FAM184A: variants seen among roughly 807,000 people sequenced by gnomAD.
The protein encoded by FAM184A is family with sequence similarity 184 member A.
In FAM184A, 99 loss-of-function variants were observed where a neutral mutation model predicts 143.8. The ratio of observed to expected loss-of-function variants is 0.69; its 90% CI spans 0.58 to 0.81. FAM184A has a LOEUF of 0.81. Among genes scored for constraint, FAM184A ranks in the 40% least tolerant of loss-of-function variants. The pLI, the probability that FAM184A is intolerant of heterozygous loss-of-function variation, is 0.00. For missense variants in FAM184A, 1,217 were observed against 1,310.5 expected (o/e 0.93, Z 1.10); for synonymous variants, 427 against 446.4 (o/e 0.96, Z 0.55).
intron 1 of FAM184A, among the ~76,000 whole-genome samples, chr6:119,125,934 A>G (rs949062092): frequency 1.2e-4 from 18 of 152,220 alleles, no homozygotes; most frequent in Admixed American, 1.1e-3. Flanking sequence ...CTATTACTGC[A>G]TAACTAATTA....
chr6:119,055,900 T>C (rs981137877), intron 1 of FAM184A, among the ~76,000 whole-genome samples: 1 of 151,974 alleles, frequency 6.6e-6, no homozygotes, highest in South Asian at 2.1e-4. Flanking sequence ...ATCTCCACTT[T>C]TCTGGGGCCT....
intron 1 of FAM184A, among the ~76,000 whole-genome samples, chr6:119,138,768 C>A (rs1287963833): frequency 1.3e-5 from 2 of 152,062 alleles, no homozygotes; most frequent in Non-Finnish European, 2.9e-5. Flanking sequence ...CTGGGATTTA[C>A]AGGCATGTGC....
At chr6:118,985,159 T>A (rs2114595177) in intron 9 of FAM184A, among the ~76,000 whole-genome samples, 1 of 152,354 alleles carries the variant, frequency 6.6e-6, no homozygotes, top group Non-Finnish European at 1.5e-5. Flanking sequence ...TTACCAAATG[T>A]AGAGATATAT....
At chr6:119,052,282 A>G (rs1786797201) in intron 1 of FAM184A, among the ~76,000 whole-genome samples, 1 of 152,172 alleles carries the variant, frequency 6.6e-6, no homozygotes, top group Non-Finnish European at 1.5e-5. Context: ...AAAGATACAA[A>G]TATGTTACCT....
At chr6:119,035,287 GA>G (rs1215470510) in intron 1 of FAM184A, among the ~76,000 whole-genome samples, 4 of 152,118 alleles carry the variant, frequency 2.6e-5, no homozygotes, top group African/African-American at 9.7e-5. Context: ...ATGATAGGAA[GA>G]GGGGGTCACA....
chr6:119,089,481 C>A (rs1488729538), intron 1 of FAM184A, among the ~76,000 whole-genome samples: 1 of 151,980 alleles, frequency 6.6e-6, no homozygotes, highest in Non-Finnish European at 1.5e-5. Flanking sequence ...CTTTTTAATT[C>A]TTGTAGAGAT....
rs1292074595 is a variant in FAM184A at position 119,024,021 on chromosome 6, T to C, written c.952A>G (p.Ser318Gly). 1 of 1,611,694 alleles carries C rather than the reference T, an allele frequency of 6.2e-7. No individual in the cohort carries two copies. Among genetic ancestry groups the C allele is most frequent in the Admixed American group, 1.7e-5 (1 of 59,308 alleles). Reference protein sequence around the residue: ...ELQMVQDEAGSLLDKCQKLQT... With the variant: ...ELQMVQDEAGGLLDKCQKLQT... ...AGCTTTTGGCATTTGTCAAGAAGAC[T>C]TCCAGCTTCATCCTGTACCATCTGT... is the stretch of plus-strand genomic sequence containing the variant. Residue 318 changes from serine (S) to glycine (G), a missense_variant, in exon 2 of 18, where the codon AGT (serine) becomes GGT (glycine). By Grantham distance (56) the Ser-to-Gly change is moderately conservative (BLOSUM62 0). Coordinates refer to ENST00000338891, the MANE Select transcript of FAM184A (RefSeq NM_024581.6).
At position 119,088,413 on chromosome 6, in the gene FAM184A, C is replaced by T. The variant is rs146804803; in HGVS notation, c.-202+60665G>A. Among the ~76,000 whole-genome samples the T allele has an allele frequency of 4.4e-3, 673 of 152,186 alleles. 6 individuals are homozygous for T. Among genetic ancestry groups the T allele is most frequent in the African/African-American group, 0.015 (643 of 41,518 alleles). On this transcript the variant is annotated intron_variant, in intron 1 of 16. Coordinates refer to the FAM184A transcript ENST00000352896. ...GGAGATGAAATAGACATTTCCTATC[C>T]AAGGTCATGGTTAGCTAAAGAGGAC...
chr6:119,040,123 G>C (rs559803232), intron 1 of FAM184A, among the ~76,000 whole-genome samples: 34 of 152,214 alleles, frequency 2.2e-4, no homozygotes, highest in African/African-American at 7.9e-4. Context: ...CTTGTTCTAA[G>C]GCCTTTTAAA....
chr6:119,023,946 A>G lies in FAM184A; in HGVS notation c.1014+13T>C, dbSNP rs1785541583. On this transcript the variant is annotated intron_variant, in intron 2 of 17. Coordinates refer to ENST00000338891, the MANE Select transcript of FAM184A (RefSeq NM_024581.6). ...AAAAAATCCATGTGTTGAATATAAT[A>G]TTCTTTACTTACCTGAACATTGTTC... The G allele has an allele frequency of 6.5e-7, 1 of 1,545,928 alleles. No homozygotes were observed. The highest frequency in any genetic ancestry group is 1.3e-5 in the South Asian group (1 of 77,500).
At chr6:119,126,955 A>T (rs1486219060) in intron 1 of FAM184A, among the ~76,000 whole-genome samples, 1 of 152,190 alleles carries the variant, frequency 6.6e-6, no homozygotes, top group African/African-American at 2.4e-5. Flanking sequence ...TCTGAAGTCA[A>T]GCTGCTTCTC....
chr6:119,133,867 G>T (rs1327034405), intron 1 of FAM184A, among the ~76,000 whole-genome samples: 1 of 151,492 alleles, frequency 6.6e-6, no homozygotes, highest in Non-Finnish European at 1.5e-5. Context: ...ATGTTGTCCA[G>T]GCTTGTCTCA....
At chr6:118,975,789 C>T (rs1001847961) in intron 12 of FAM184A, 128 bp downstream of exon 12, 1 of 900,128 alleles carries the variant, frequency 1.1e-6, no homozygotes, top group Non-Finnish European at 1.6e-6. Flanking sequence ...TCAAATAAAG[C>T]TCTTCAATAT....
rs144111135 is a variant in FAM184A at position 119,056,079 on chromosome 6, T to C, written c.159+22062A>G. Among the ~76,000 whole-genome samples, 6 of 152,274 alleles carry C rather than the reference T, an allele frequency of 3.9e-5. No homozygotes were observed. The East Asian group carries it at 1.2e-3, about 29-fold the overall frequency. On this transcript the variant is annotated intron_variant, in intron 1 of 17. Coordinates refer to ENST00000338891, the MANE Select transcript of FAM184A (RefSeq NM_024581.6). ...CAGGATAAACTGAAATAGAAGAGCCTGAAAGGAAACTTTGCAAAAATAAGG... is the reference window on the plus strand; with the variant it reads ...CAGGATAAACTGAAATAGAAGAGCCCGAAAGGAAACTTTGCAAAAATAAGG...
Position 119,024,378 on chromosome 6 carries a change from G to A in FAM184A, c.595C>T (p.Gln199Ter), listed in dbSNP as rs908032334. Residue 199 changes from glutamine to a stop codon, truncating the protein, a stop_gained, in exon 2 of 18, where the codon CAA (glutamine) becomes TAA (stop). Coordinates refer to ENST00000338891, the MANE Select transcript of FAM184A (RefSeq NM_024581.6). LOFTEE classifies it high-confidence loss of function. ...DLQAAHRREI[Q>*]ELLKSQQDHS... Reference sequence around the variant, plus strand: ...TCCTGCTGTGACTTCAATAGCTCTTGTATCTCCCGTCTGTGAGCAGCTTGC... The same window carrying A: ...TCCTGCTGTGACTTCAATAGCTCTTATATCTCCCGTCTGTGAGCAGCTTGC... 3 of 1,614,132 alleles carry A rather than the reference G, an allele frequency of 1.9e-6. No individual in the cohort carries two copies. Among genetic ancestry groups the A allele is most frequent in the Admixed American group, 1.7e-5 (1 of 60,016 alleles).
Position 118,979,506 on chromosome 6 carries a change from G to C in FAM184A, c.2314C>G (p.His772Asp). The change falls in exon 11 of 18, where the codon CAT becomes GAT. Residue 772 changes from histidine (H) to aspartate (D), a missense_variant. Coordinates refer to ENST00000338891, the MANE Select transcript of FAM184A (RefSeq NM_024581.6). ...TCTGCAGAATGCTTCTGTTGTAAAT[G>C]ATTTTCAAGAGCCTAGAACAAGACA... The part of the protein sequence containing the change: ...KEKEQRALEN[H>D]LQQKHSAELQ... 2.5e-6 allele frequency: 4 copies of C among 1,608,898 alleles called. No individual in the cohort carries two copies. The highest frequency in any genetic ancestry group is 1.7e-4 in the Middle Eastern group (1 of 6,038).
chr6:119,119,993 T>G (rs1054458333), intron 1 of FAM184A, among the ~76,000 whole-genome samples: 9 of 152,104 alleles, frequency 5.9e-5, no homozygotes, highest in Admixed American at 3.3e-4. Flanking sequence ...CAAATGATAA[T>G]AATAATAGTC....
intron 16 of FAM184A, 144 bp downstream of exon 16, chr6:118,964,523 T>A: frequency 2.2e-6 from 1 of 456,130 alleles, no homozygotes; most frequent in Non-Finnish European, 3.9e-6. Context: ...ATATAAATAA[T>A]TCATAAGTTT....
intron 1 of FAM184A, among the ~76,000 whole-genome samples, chr6:119,065,945 G>C (rs1787437996): frequency 6.6e-6 from 1 of 152,168 alleles, no homozygotes; most frequent in Non-Finnish European, 1.5e-5. Context: ...CTAAGAATCA[G>C]GAGAAAGTTC....
Sources: allele counts gnomAD v4.1 joint callset (sites outside exome capture counted in the v4.1 genomes callset), GRCh38; gene constraint gnomAD v4.1.1; transcripts MANE v1.5; gene names NCBI Gene and HGNC (gene_info 2026-07-23, HGNC 2026-07-21).